The following PTPRT variants were observed in gnomAD, a reference collection of about 807,000 sequenced individuals.
The protein encoded by PTPRT is protein tyrosine phosphatase receptor type T, also known as receptor-type tyrosine-protein phosphatase T.
A neutral mutation model predicts 176.8 loss-of-function variants in PTPRT; 56 were observed. That is an observed-to-expected ratio of 0.32 (90% CI 0.26 to 0.40). The LOEUF (loss-of-function observed/expected upper bound fraction) is 0.40, where lower values mean the gene tolerates loss of function less well. PTPRT is among the 10% of genes least tolerant of loss of function. PTPRT has a pLI of 1.00. For missense variants in PTPRT, 1,540 were observed against 1,908.2 expected (o/e 0.81, Z 3.60); for synonymous variants, 783 against 739.0 (o/e 1.06, Z -0.96).
At chr20:42,456,681 A>T (rs2145877267) in intron 8 of PTPRT, among the ~76,000 whole-genome samples, 1 of 152,250 alleles carries the variant, frequency 6.6e-6, no homozygotes, top group East Asian at 1.9e-4. Context: ...AGTTAGACTA[A>T]CACTAATTTT....
At chr20:42,603,747 G>T (rs2073824027) in intron 7 of PTPRT, among the ~76,000 whole-genome samples, 1 of 152,176 alleles carries the variant, frequency 6.6e-6, no homozygotes, top group Admixed American at 6.5e-5. Flanking sequence ...AGACCTCAAA[G>T]CTTCACTCCA....
intron 17 of PTPRT, among the ~76,000 whole-genome samples, chr20:42,157,563 C>T (rs1376090886): frequency 1.3e-5 from 2 of 152,150 alleles, no homozygotes; most frequent in East Asian, 1.9e-4. Context: ...CCAGGCTGGT[C>T]TTGAACTCCT....
At chr20:42,356,884 C>G (rs994531661) in intron 9 of PTPRT, among the ~76,000 whole-genome samples, 1 of 152,158 alleles carries the variant, frequency 6.6e-6, no homozygotes, top group African/African-American at 2.4e-5. Flanking sequence ...TCTTTTCTGC[C>G]ACAGGAACTT....
At chr20:42,206,302 G>C (rs1310458419) in intron 15 of PTPRT, among the ~76,000 whole-genome samples, 1 of 152,230 alleles carries the variant, frequency 6.6e-6, no homozygotes, top group Non-Finnish European at 1.5e-5. Flanking sequence ...AATAGGAACA[G>C]CTCTGGTCTA....
the PTPRT span, among the ~76,000 whole-genome samples, chr20:42,051,495 T>A: frequency 6.6e-6 from 1 of 152,154 alleles, no homozygotes; most frequent in Non-Finnish European, 1.5e-5. Flanking sequence ...CCTAACTTCC[T>A]TCAGAGGATT....
chr20:42,285,873 G>T (rs2057221747), intron 12 of PTPRT, among the ~76,000 whole-genome samples: 1 of 151,804 alleles, frequency 6.6e-6, no homozygotes, highest in African/African-American at 2.4e-5. Context: ...ACAAAAATCA[G>T]TAATGTTTCT....
At chr20:42,206,531 T>C (rs1162467993) in intron 15 of PTPRT, among the ~76,000 whole-genome samples, 1 of 152,210 alleles carries the variant, frequency 6.6e-6, no homozygotes, top group Admixed American at 6.5e-5. Context: ...GGACGGCACC[T>C]GGAAAATCGG....
intron 7 of PTPRT, among the ~76,000 whole-genome samples, chr20:42,590,999 T>C (rs560904971): frequency 1.3e-5 from 2 of 150,430 alleles, no homozygotes; most frequent in East Asian, 3.9e-4. Context: ...AAAGAGGGAC[T>C]TTTCCAGAAA....
chr20:42,942,967 G>A lies in PTPRT; in HGVS notation c.89-57035C>T, dbSNP rs141053130. On this transcript the variant is annotated intron_variant, in intron 1 of 30. Transcript: ENST00000373187. ...ATTGCATATTAAACTCTGCAACAGA[G>A]ACTTGGCATCCACAGATGTCAATAT... is the stretch of plus-strand genomic sequence containing the variant. 4.5e-3 allele frequency among the ~76,000 whole-genome samples: 680 copies of A among 152,298 alleles called. 5 individuals carry two copies. Among genetic ancestry groups the A allele is most frequent in the African/African-American group, 0.016 (647 of 41,574 alleles).
intron 13 of PTPRT, among the ~76,000 whole-genome samples, chr20:42,273,637 G>A (rs1269791902): frequency 2.0e-5 from 3 of 152,158 alleles, no homozygotes; most frequent in Non-Finnish European, 4.4e-5. Context: ...TAACCACTAG[G>A]GAATGTGGGA....
chr20:42,773,082 C>A (rs2077086351), intron 4 of PTPRT, among the ~76,000 whole-genome samples: 1 of 152,184 alleles, frequency 6.6e-6, no homozygotes, highest in African/African-American at 2.4e-5. Flanking sequence ...AGGATGGTGT[C>A]TCCAGATAGA....
intron 6 of PTPRT, among the ~76,000 whole-genome samples, chr20:42,743,079 C>G (rs2076636078): frequency 6.6e-6 from 1 of 152,162 alleles, no homozygotes; most frequent in Non-Finnish European, 1.5e-5. Flanking sequence ...CGCTGATTAA[C>G]TCAAAGAGGA....
chr20:42,899,438 T>A (rs1395472167), intron 1 of PTPRT, among the ~76,000 whole-genome samples: 1 of 152,238 alleles, frequency 6.6e-6, no homozygotes, highest in African/African-American at 2.4e-5. Context: ...TGGAACACTC[T>A]TGCCCTAGCA....
intron 13 of PTPRT, among the ~76,000 whole-genome samples, chr20:42,252,855 C>T (rs1008221511): frequency 6.6e-6 from 1 of 152,204 alleles, no homozygotes; most frequent in Non-Finnish European, 1.5e-5. Flanking sequence ...GGCAGCAGAG[C>T]TGAAATCACA....
At chr20:42,631,958 T>C (rs984328549) in intron 7 of PTPRT, among the ~76,000 whole-genome samples, 52 of 152,268 alleles carry the variant, frequency 3.4e-4, no homozygotes, top group African/African-American at 1.3e-3. Context: ...AGATAGTTTA[T>C]GCAAACAATG....
At chr20:42,461,184 G>A (rs1262289980) in intron 8 of PTPRT, among the ~76,000 whole-genome samples, 5 of 152,112 alleles carry the variant, frequency 3.3e-5, no homozygotes, top group African/African-American at 9.7e-5. Flanking sequence ...AAATTTAGCC[G>A]GGTGTGGTGG....
At chr20:43,012,770 G>T (rs1026629730) in intron 1 of PTPRT, among the ~76,000 whole-genome samples, 4 of 152,076 alleles carry the variant, frequency 2.6e-5, no homozygotes, top group African/African-American at 9.7e-5. Context: ...CCACCGGGAG[G>T]TTATTCCCCC....
intron 1 of PTPRT, among the ~76,000 whole-genome samples, chr20:43,153,246 A>C (rs1206597557): frequency 6.6e-6 from 1 of 152,252 alleles, no homozygotes; most frequent in Non-Finnish European, 1.5e-5. Flanking sequence ...AAAAGTATGC[A>C]TGTGTACAAA....
chr20:42,273,451 G>A (rs1199936884), intron 13 of PTPRT, among the ~76,000 whole-genome samples: 1 of 152,156 alleles, frequency 6.6e-6, no homozygotes, highest in Non-Finnish European at 1.5e-5. Flanking sequence ...CTGTCCTCAG[G>A]TGATCCACCC....
Sources: gnomAD v4.1 joint callset for allele counts (sites outside exome capture counted in the v4.1 genomes callset) on GRCh38, gnomAD v4.1.1 for gene constraint, MANE v1.5 for transcripts, NCBI Gene and HGNC (gene_info 2026-07-23, HGNC 2026-07-21) for gene names.